Variants in PXT1 observed in about 807,000 individuals in gnomAD.
PXT1 encodes peroxisomal testis-specific protein 1.
Under a neutral mutation model 11.0 loss-of-function variants are expected in PXT1, and 11 were observed. The ratio of observed to expected loss-of-function variants is 1.00; its 90% confidence interval spans 0.63 to 1.66. PXT1 has a LOEUF of 1.66. Among genes scored for constraint, PXT1 ranks in the 40% most tolerant of loss-of-function variants. The probability of loss-of-function intolerance (pLI) is 0.00; values close to 1 mark genes in which losing one functional copy is unlikely to be tolerated. For synonymous variants in PXT1, 43 were observed against 51.4 expected (o/e 0.84, Z 0.70); for missense variants, 141 against 155.5 (o/e 0.91, Z 0.49).
intron 2 of PXT1, among the ~76,000 whole-genome samples, chr6:36,435,578 A>G (rs1774750533): frequency 6.6e-6 from 1 of 152,134 alleles, no homozygotes; most frequent in African/African-American, 2.4e-5. Flanking sequence ...AAGAAAAGAA[A>G]CAAACAAATG....
At chr6:36,409,965 G>A (rs1582256220) in intron 3 of PXT1, among the ~76,000 whole-genome samples, 1 of 146,732 alleles carries the variant, frequency 6.8e-6, no homozygotes, top group Non-Finnish European at 1.5e-5. Flanking sequence ...GGAAGAAAGA[G>A]AAAAAAGAAA....
At chr6:36,394,177 A>G (rs562577023) in intron 4 of PXT1, among the ~76,000 whole-genome samples, 1 of 152,352 alleles carries the variant, frequency 6.6e-6, no homozygotes, top group African/African-American at 2.4e-5. Context: ...TAGAACACTG[A>G]GTCAGATGCT....
chr6:36,431,492 C>G (rs1380241848), intron 2 of PXT1, among the ~76,000 whole-genome samples: 1 of 152,188 alleles, frequency 6.6e-6, no homozygotes, highest in Non-Finnish European at 1.5e-5. Flanking sequence ...ATTGGCCCAG[C>G]ACGGTGGCTC....
At chr6:36,425,804 A>AAC (rs534611605) in intron 3 of PXT1, 110 bp downstream of exon 3, 88 of 239,336 alleles carry the variant, frequency 3.7e-4, no homozygotes, top group African/African-American at 1.1e-3. Context: ...CAAAAACAAA[A>AAC]AATATATATA....
At chr6:36,404,313 G>A (rs868028125) in intron 3 of PXT1, among the ~76,000 whole-genome samples, 3 of 152,246 alleles carry the variant, frequency 2.0e-5, no homozygotes, top group Middle Eastern at 3.4e-3. Context: ...GGTCTCATAA[G>A]ATTACAATAA....
At chr6:36,433,523 C>T (rs993204228) in intron 2 of PXT1, among the ~76,000 whole-genome samples, 2 of 151,886 alleles carry the variant, frequency 1.3e-5, no homozygotes, top group African/African-American at 4.8e-5. Flanking sequence ...CATTGCTCTA[C>T]ATGAAAAGAG....
chr6:36,429,036 G>T (rs1335168580), intron 2 of PXT1, among the ~76,000 whole-genome samples: 2 of 151,816 alleles, frequency 1.3e-5, no homozygotes, highest in East Asian at 3.9e-4. Flanking sequence ...GGAGGCTGAA[G>T]TGGGCTGATC....
chr6:36,433,686 G>C (rs193294373), intron 2 of PXT1, among the ~76,000 whole-genome samples: 2 of 151,670 alleles, frequency 1.3e-5, no homozygotes, highest in Admixed American at 6.6e-5. Context: ...TTAGCCAGGC[G>C]TGGTGGCAGG....
intron 3 of PXT1, 109 bp downstream of exon 3, chr6:36,425,805 A>ACAAACAAACAAACAAAAAAAAAT (rs763685304): frequency 3.1e-6 from 1 of 321,510 alleles, no homozygotes; most frequent in African/African-American, 2.3e-5. Context: ...AAAAACAAAA[A>ACAAACAAACAAACAAAAAAAAAT]ATATATATAT....
intron 2 of PXT1, among the ~76,000 whole-genome samples, chr6:36,433,820 C>A: frequency 4.4e-5 from 1 of 22,968 alleles, no homozygotes. Context: ...AAGACTCTGT[C>A]TCAGGAAAAA....
chr6:36,416,663 G>A (rs1306614969), intron 3 of PXT1, among the ~76,000 whole-genome samples: 3 of 152,188 alleles, frequency 2.0e-5, no homozygotes, highest in East Asian at 1.9e-4. Flanking sequence ...ATTAAACAAC[G>A]ATGTTCATAA....
intron 2 of PXT1, among the ~76,000 whole-genome samples, chr6:36,436,902 G>A (rs899371600): frequency 3.9e-5 from 6 of 152,142 alleles, no homozygotes; most frequent in African/African-American, 1.4e-4. Flanking sequence ...TATTTGATAA[G>A]TAGGCTTCAA....
chr6:36,442,186 G>A (rs1561937487), intron 1 of PXT1, among the ~76,000 whole-genome samples: 1 of 151,906 alleles, frequency 6.6e-6, no homozygotes, highest in Non-Finnish European at 1.5e-5. Flanking sequence ...CCACCACCAC[G>A]CCCGGCTAAT....
intron 2 of PXT1, among the ~76,000 whole-genome samples, chr6:36,428,338 G>A (rs201511006): frequency 2.6e-5 from 4 of 151,416 alleles, no homozygotes; most frequent in Admixed American, 2.0e-4. Context: ...CCAGCTACTC[G>A]GGAGGCTGAG....
chr6:36,427,329 T>G (rs1277298012), intron 2 of PXT1, among the ~76,000 whole-genome samples: 1 of 52,176 alleles, frequency 1.9e-5, no homozygotes, highest in Non-Finnish European at 3.1e-5. Flanking sequence ...TTCCTGGGCA[T>G]TTAATTCTTT....
chr6:36,440,296 C>T (rs1774835834), intron 1 of PXT1, among the ~76,000 whole-genome samples: 1 of 152,114 alleles, frequency 6.6e-6, no homozygotes. Context: ...CTTGACCGGG[C>T]GTGGTGGCTT....
At chr6:36,406,794 G>A (rs964433731) in intron 3 of PXT1, among the ~76,000 whole-genome samples, 1 of 138,882 alleles carries the variant, frequency 7.2e-6, no homozygotes, top group African/African-American at 2.7e-5. Flanking sequence ...CTGGGCGACA[G>A]AGTGAGACTC....
At chr6:36,402,048 C>A (rs974681883) in intron 3 of PXT1, among the ~76,000 whole-genome samples, 1 of 151,760 alleles carries the variant, frequency 6.6e-6, no homozygotes, top group Non-Finnish European at 1.5e-5. Context: ...AACTCCTGGG[C>A]TCAAGTGATT....
At chr6:36,395,245 A>C (rs1197303944) in intron 4 of PXT1, among the ~76,000 whole-genome samples, 3 of 152,208 alleles carry the variant, frequency 2.0e-5, no homozygotes, top group Admixed American at 2.0e-4. Context: ...AGCAGATAAA[A>C]ATATAAATTG....
Sources: allele counts gnomAD v4.1 joint callset (sites outside exome capture counted in the v4.1 genomes callset), GRCh38; gene constraint gnomAD v4.1.1; transcripts MANE v1.5; gene names NCBI Gene and HGNC (gene_info 2026-07-23, HGNC 2026-07-21).